PAPSS2: variants seen among roughly 807,000 people sequenced by gnomAD.
PAPSS2 encodes bifunctional 3'-phosphoadenosine 5'-phosphosulfate synthase 2.
PAPSS2 carries 61 observed loss-of-function variants against 66.5 expected under a neutral mutation model. The ratio of observed to expected loss-of-function variants is 0.92; its 90% CI spans 0.75 to 1.14. PAPSS2 has a LOEUF of 1.14. Ranked by LOEUF, PAPSS2 falls within the 50% of genes most tolerant of loss-of-function variation. The probability of loss-of-function intolerance (pLI) is 0.00; values close to 1 mark genes in which losing one functional copy is unlikely to be tolerated. For synonymous variants in PAPSS2, 289 were observed against 287.5 expected (o/e 1.01, Z -0.05); for missense variants, 708 against 789.6 (o/e 0.90, Z 1.24).
At chr10:87,738,312 T>G (rs1243047337) in intron 9 of PAPSS2, among the ~76,000 whole-genome samples, 1 of 152,228 alleles carries the variant, frequency 6.6e-6, no homozygotes, top group South Asian at 2.1e-4. Flanking sequence ...CCATAGTGGT[T>G]GCACCTTTTA....
At chr10:87,728,740 G>GA (rs78099518) in intron 9 of PAPSS2, among the ~76,000 whole-genome samples, 77,841 of 148,526 alleles carry the variant, frequency 0.52, 21,385 homozygotes, top group East Asian at 0.75. Flanking sequence ...CTGTCTGAAA[G>GA]AAAAAAAAAA....
At chr10:87,739,901 A>C (rs1456267457) in intron 9 of PAPSS2, among the ~76,000 whole-genome samples, 4 of 152,234 alleles carry the variant, frequency 2.6e-5, no homozygotes, top group Admixed American at 2.6e-4. Context: ...CCGTCTTTTT[A>C]GTATTCCATT....
chr10:87,708,819 A>G (rs1853426628), intron 1 of PAPSS2, among the ~76,000 whole-genome samples: 1 of 152,254 alleles, frequency 6.6e-6, no homozygotes, highest in South Asian at 2.1e-4. Flanking sequence ...ATGCAATTGC[A>G]TTATAATTGT....
At chr10:87,700,853 T>C (rs1853295099) in intron 1 of PAPSS2, among the ~76,000 whole-genome samples, 1 of 151,858 alleles carries the variant, frequency 6.6e-6, no homozygotes. Context: ...ATAATATATT[T>C]GAGATTGCTG....
At chr10:87,694,559 G>C (rs3824721) in intron 1 of PAPSS2, among the ~76,000 whole-genome samples, 28,552 of 152,046 alleles carry the variant, frequency 0.19, 3,088 homozygotes, top group African/African-American at 0.3. Flanking sequence ...TGCAAAACCA[G>C]AATGACCAAG....
Position 87,659,881 on chromosome 10 carries a change from C to A in PAPSS2, c.-101C>A, listed in dbSNP as rs540138599. The A allele has an allele frequency of 6.3e-5, 65 of 1,037,742 alleles. 1 individual carries two copies. The highest frequency in any genetic ancestry group is 5.8e-5 in the Non-Finnish European group (39 of 671,726). 64.3% of individuals were successfully genotyped at this position (1,037,742 alleles called of 1,614,324 possible). Reference sequence around the variant, plus strand: ...ACCTCCTTCCCGGGAGTCCGGCAGCCGCTGCTGCTGCTGCTGCTGCTGCTG... The same window carrying A: ...ACCTCCTTCCCGGGAGTCCGGCAGCAGCTGCTGCTGCTGCTGCTGCTGCTG... On this transcript the variant is annotated 5_prime_UTR_variant, in exon 1 of 13. Coordinates refer to ENST00000456849, the MANE Select transcript of PAPSS2 (RefSeq NM_001015880.2).
intron 1 of PAPSS2, among the ~76,000 whole-genome samples, chr10:87,665,596 C>G (rs539200528): frequency 6.6e-6 from 1 of 152,182 alleles, no homozygotes; most frequent in African/African-American, 2.4e-5. Context: ...ATACAACTTC[C>G]CAGGGACCAC....
At chr10:87,686,829 C>T (rs1034948994) in intron 1 of PAPSS2, among the ~76,000 whole-genome samples, 11 of 151,962 alleles carry the variant, frequency 7.2e-5, no homozygotes, top group Non-Finnish European at 1.6e-4. Flanking sequence ...AAATGGAGTA[C>T]AAAATAGCAC....
At position 87,746,085 on chromosome 10, in the gene PAPSS2, GA is replaced by G; in HGVS notation, c.*117del. 1 of 962,316 alleles carries G rather than the reference GA, an allele frequency of 1.0e-6. No individual in the cohort carries two copies. The highest frequency in any genetic ancestry group is 2.5e-5 in the East Asian group (1 of 39,750). 59.6% of individuals were successfully genotyped at this position (962,316 alleles called of 1,614,324 possible). A position where few individuals can be genotyped will look rare whatever the true frequency, so the allele number is the denominator to read the frequency against. ...ATGATGCATTTTAATCTTTTATAAT[GA>G]AGTAAAAGTTGTGTCTATAATTAAA... On this transcript the variant is annotated 3_prime_UTR_variant, in exon 13 of 13. Transcript: ENST00000456849.
At chr10:87,742,196 C>G (rs1452658617) in intron 10 of PAPSS2, among the ~76,000 whole-genome samples, 1 of 152,202 alleles carries the variant, frequency 6.6e-6, no homozygotes, top group Non-Finnish European at 1.5e-5. Flanking sequence ...AAAATATTCA[C>G]TGATAGAGAT....
chr10:87,715,228 T>G, intron 6 of PAPSS2, 130 bp downstream of exon 6: 1 of 686,068 alleles, frequency 1.5e-6, no homozygotes, highest in South Asian at 1.6e-5. Flanking sequence ...ACACTCCTTT[T>G]TTTCCAAGTT....
At chr10:87,683,511 G>A (rs1341736114) in intron 1 of PAPSS2, among the ~76,000 whole-genome samples, 1 of 152,166 alleles carries the variant, frequency 6.6e-6, no homozygotes, top group Non-Finnish European at 1.5e-5. Context: ...TGACAAGAAC[G>A]AAACAGAGTT....
intron 9 of PAPSS2, among the ~76,000 whole-genome samples, chr10:87,740,122 A>G (rs1013557941): frequency 2.0e-5 from 3 of 152,212 alleles, no homozygotes; most frequent in African/African-American, 7.2e-5. Context: ...CAAAATGGAC[A>G]AAGGGAACCT....
chr10:87,689,694 A>G (rs1277243051), intron 1 of PAPSS2, among the ~76,000 whole-genome samples: 2 of 151,218 alleles, frequency 1.3e-5, no homozygotes, highest in African/African-American at 4.9e-5. Context: ...AAAAAAAAAA[A>G]GAACTGGGAA....
chr10:87,673,397 C>T (rs947312783), intron 1 of PAPSS2, among the ~76,000 whole-genome samples: 2 of 151,932 alleles, frequency 1.3e-5, no homozygotes, highest in Non-Finnish European at 2.9e-5. Flanking sequence ...TGGCCTCAAG[C>T]GATCCTCCCA....
At chr10:87,674,311 C>G (rs1262426816) in intron 1 of PAPSS2, among the ~76,000 whole-genome samples, 5 of 152,126 alleles carry the variant, frequency 3.3e-5, no homozygotes, top group African/African-American at 1.2e-4. Context: ...ATTACAGGCA[C>G]GTGCCACCAC....
chr10:87,721,532 A>T (rs1011676417), intron 7 of PAPSS2, among the ~76,000 whole-genome samples: 4 of 152,184 alleles, frequency 2.6e-5, no homozygotes, highest in Non-Finnish European at 5.9e-5. Context: ...CATCTGAACA[A>T]TGCTTTTGGA....
intron 6 of PAPSS2, 133 bp from the exon 7 acceptor site, chr10:87,715,599 G>A: frequency 1.4e-6 from 1 of 713,278 alleles, no homozygotes; most frequent in Middle Eastern, 2.5e-4. Flanking sequence ...TAGCATAACA[G>A]GTGGGGACAC....
At chr10:87,706,220 C>CGGGAGAA (rs1853388332) in intron 1 of PAPSS2, among the ~76,000 whole-genome samples, 1 of 148,142 alleles carries the variant, frequency 6.8e-6, no homozygotes, top group Admixed American at 6.8e-5. Flanking sequence ...AGAATGATGC[C>CGGGAGAA]AGGGATTCTT....
Sources: allele counts gnomAD v4.1 joint callset (sites outside exome capture counted in the v4.1 genomes callset), GRCh38; gene constraint gnomAD v4.1.1; transcripts MANE v1.5; gene names NCBI Gene and HGNC (gene_info 2026-07-23, HGNC 2026-07-21).